The following PTPN12 variants were observed in gnomAD, a reference collection of about 807,000 sequenced individuals.
PTPN12 encodes the protein tyrosine-protein phosphatase non-receptor type 12.
Under a neutral mutation model 97.6 loss-of-function variants are expected in PTPN12, and 29 were observed. The ratio of observed to expected loss-of-function variants is 0.30; its 90% CI spans 0.22 to 0.41. The LOEUF is 0.41. Ranked by LOEUF, PTPN12 falls within the 10% of genes least tolerant of loss-of-function variation. The pLI, the probability that PTPN12 is intolerant of heterozygous loss-of-function variation, is 1.00. For synonymous variants in PTPN12, 327 were observed against 300.4 expected (o/e 1.09, Z -0.91); for missense variants, 819 against 926.0 (o/e 0.88, Z 1.50).
Position 77,537,456 on chromosome 7 carries a change from G to A in PTPN12, c.-91G>A. ...GGGGTCGGGAGGGAGGGACGTGCTG[G>A]GGGAACGAGCTGGGGAAGACGGAGC... On this transcript the variant is annotated 5_prime_UTR_variant, in exon 1 of 18. Coordinates refer to ENST00000248594, the MANE Select transcript of PTPN12 (RefSeq NM_002835.4). 3 of 1,448,120 alleles carry A rather than the reference G, an allele frequency of 2.1e-6. No homozygotes were observed. The South Asian group carries it at 4.2e-5, about 20-fold the overall frequency. The allele number at this position is 1,448,120 out of a possible 1,614,324, so 89.7% of individuals were successfully genotyped here. A position where few individuals can be genotyped will look rare whatever the true frequency, so the allele number is the denominator to read the frequency against.
chr7:77,592,392 A>T (rs1165092943), intron 6 of PTPN12, 136 bp downstream of exon 6: 6 of 669,976 alleles, frequency 9.0e-6, no homozygotes, highest in Admixed American at 3.7e-5. Flanking sequence ...ATTTAAAAAA[A>T]TTTTGTTTAT....
chr7:77,582,084 CTTTTTTTTTTTTTTTT>C (rs11341609), intron 3 of PTPN12, among the ~76,000 whole-genome samples: 4 of 52,848 alleles, frequency 7.6e-5, no homozygotes, highest in African/African-American at 2.3e-4. Context: ...CAGTCAAGTT[CTTTTTTTTTTTTTTTT>C]TTTTTTTTTT....
chr7:77,585,423 T>G, intron 4 of PTPN12, 120 bp from the exon 5 acceptor site: 1 of 795,548 alleles, frequency 1.3e-6, no homozygotes, highest in East Asian at 2.6e-5. Flanking sequence ...TGAAACTACT[T>G]TTTTAGGCAA....
At chr7:77,570,126 T>C (rs1249928723) in intron 1 of PTPN12, among the ~76,000 whole-genome samples, 1 of 152,222 alleles carries the variant, frequency 6.6e-6, no homozygotes, top group African/African-American at 2.4e-5. Context: ...TAGTAAATCT[T>C]TATCATAAAG....
intron 14 of PTPN12, among the ~76,000 whole-genome samples, chr7:77,635,386 G>A (rs995251273): frequency 2.6e-5 from 4 of 152,144 alleles, no homozygotes; most frequent in Non-Finnish European, 4.4e-5. Flanking sequence ...CCGAGATCGC[G>A]CCTGGTCAAC....
At chr7:77,619,021 T>C (rs1788846405) in intron 12 of PTPN12, among the ~76,000 whole-genome samples, 1 of 152,216 alleles carries the variant, frequency 6.6e-6, no homozygotes, top group Non-Finnish European at 1.5e-5. Flanking sequence ...TATATTCATA[T>C]CTTTCTTTTC....
At chr7:77,561,758 T>A (rs1241397371) in intron 1 of PTPN12, among the ~76,000 whole-genome samples, 2 of 74,008 alleles carry the variant, frequency 2.7e-5, no homozygotes, top group Admixed American at 1.7e-4. Flanking sequence ...TACTGTATGT[T>A]TTTAATTAAT....
At chr7:77,596,653 C>A (rs1562737194) in intron 6 of PTPN12, among the ~76,000 whole-genome samples, 1 of 152,196 alleles carries the variant, frequency 6.6e-6, no homozygotes, top group African/African-American at 2.4e-5. Flanking sequence ...CTAAAGCGAT[C>A]CGTCCACCTC....
Position 77,537,488 on chromosome 7 carries a change from T to A in PTPN12, c.-59T>A. 1 of 1,196,850 alleles carries A rather than the reference T, an allele frequency of 8.4e-7. No individual in the cohort carries two copies. The highest frequency in any genetic ancestry group is 1.1e-6 in the Non-Finnish European group (1 of 931,526). The allele number at this position is 1,196,850 out of a possible 1,614,324, so 74.1% of individuals were successfully genotyped here. On this transcript the variant is annotated 5_prime_UTR_variant, in exon 1 of 18. Coordinates refer to ENST00000248594, the MANE Select transcript of PTPN12 (RefSeq NM_002835.4). ...GAGCTGGGGAAGACGGAGCGGGCTC[T>A]GTGCCGGGCGGGCGGGCGGCGGGGG...
At position 77,539,084 on chromosome 7, in the gene PTPN12, AGTT is replaced by A. The variant is rs962595334; in HGVS notation, c.99+1440_99+1442del. On this transcript the variant is annotated intron_variant, in intron 1 of 17. Transcript: ENST00000248594. Reference sequence around the variant, plus strand: ...TTATTTTTTGTTTAAAAAGTACAGTAGTTTTTATGGTGGAGGTGATATGACTTA... The same window carrying A: ...TTATTTTTTGTTTAAAAAGTACAGTATTTATGGTGGAGGTGATATGACTTA... Among the ~76,000 whole-genome samples the A allele has an allele frequency of 1.8e-4, 27 of 152,292 alleles. 1 individual carries two copies. The highest frequency in any genetic ancestry group is 6.0e-4 in the African/African-American group (25 of 41,558).
rs537371299 is a variant in PTPN12 at position 77,558,588 on chromosome 7, A to G, written c.100-12490A>G. Among the ~76,000 whole-genome samples the G allele has an allele frequency of 1.2e-3, 178 of 152,354 alleles. 1 individual carries two copies. The highest frequency in any genetic ancestry group is 4.1e-3 in the African/African-American group (172 of 41,576). On this transcript the variant is annotated intron_variant, in intron 1 of 17. Coordinates refer to ENST00000248594, the MANE Select transcript of PTPN12 (RefSeq NM_002835.4). ...ATACCTGTATGCAGAAAAGAGTAAC[A>G]TAGCAGGCCTAAGACTACTATCCTT...
chr7:77,562,468 A>G (rs371602527), intron 1 of PTPN12, among the ~76,000 whole-genome samples: 66 of 152,322 alleles, frequency 4.3e-4, no homozygotes, highest in African/African-American at 1.5e-3. Context: ...AAGTGGGACT[A>G]TAATGATTGT....
At chr7:77,620,195 C>CT (rs765824720) in intron 12 of PTPN12, among the ~76,000 whole-genome samples, 7 of 152,100 alleles carry the variant, frequency 4.6e-5, no homozygotes, top group Non-Finnish European at 7.3e-5. Context: ...CTACCTCTAA[C>CT]TACATGTAGC....
intron 1 of PTPN12, among the ~76,000 whole-genome samples, chr7:77,556,615 T>C (rs1807724121): frequency 6.6e-6 from 1 of 152,006 alleles, no homozygotes; most frequent in South Asian, 2.1e-4. Flanking sequence ...TTTGGGAGGC[T>C]GAGGCTGGTG....
At chr7:77,612,574 G>T (rs1319771286) in intron 11 of PTPN12, among the ~76,000 whole-genome samples, 1 of 151,786 alleles carries the variant, frequency 6.6e-6, no homozygotes, top group African/African-American at 2.4e-5. Context: ...TAGTAGCTGG[G>T]ATCACAAGCA....
intron 3 of PTPN12, among the ~76,000 whole-genome samples, chr7:77,583,073 G>T (rs545674874): frequency 6.6e-6 from 1 of 152,056 alleles, no homozygotes; most frequent in Non-Finnish European, 1.5e-5. Flanking sequence ...ACATTGTTTG[G>T]TTTATATTCT....
chr7:77,574,060 G>A (rs1787253194), intron 2 of PTPN12, among the ~76,000 whole-genome samples: 1 of 152,210 alleles, frequency 6.6e-6, no homozygotes, highest in Admixed American at 6.6e-5. Context: ...ACTGTATGCT[G>A]GGAATGCAAC....
intron 6 of PTPN12, among the ~76,000 whole-genome samples, chr7:77,594,060 T>C (rs1293211663): frequency 2.0e-5 from 3 of 152,184 alleles, no homozygotes. Flanking sequence ...TATAAATCAA[T>C]GTTGTTTTTA....
In PTPN12 at chr7:77,638,648, A is replaced by G; in HGVS notation, c.2198A>G (p.Tyr733Cys). Reference sequence around the variant, plus strand: ...GATCATCCAGCGGGAGGTATTCACTATGAAATGTGCATAGAATGTCCACCT... The same window carrying G: ...GATCATCCAGCGGGAGGTATTCACTGTGAAATGTGCATAGAATGTCCACCT... ...KCDHPAGGIHYEMCIECPPTF... is the reference protein window; with the variant it reads ...KCDHPAGGIHCEMCIECPPTF... Residue 733 changes from tyrosine to cysteine, a missense_variant, in exon 17 of 18, where the codon TAT (tyrosine) becomes TGT (cysteine). Tyr to Cys is a radical substitution (Grantham distance 194). Transcript: ENST00000248594. 2 of 1,602,126 alleles carry G rather than the reference A, an allele frequency of 1.2e-6. No individual in the cohort carries two copies. The highest frequency in any genetic ancestry group is 1.7e-5 in the Admixed American group (1 of 57,310).
Sources: gnomAD v4.1 joint callset for allele counts (sites outside exome capture counted in the v4.1 genomes callset) on GRCh38, gnomAD v4.1.1 for gene constraint, MANE v1.5 for transcripts, NCBI Gene and HGNC (gene_info 2026-07-23, HGNC 2026-07-21) for gene names.